WDFY4: variants seen among roughly 807,000 people sequenced by gnomAD.
WDFY4 encodes the protein WD repeat- and FYVE domain-containing protein 4.
A neutral mutation model predicts 351.9 loss-of-function variants in WDFY4; 169 were observed. That is an observed-to-expected ratio of 0.48 (90% CI 0.42 to 0.55). The LOEUF is 0.55. Among genes scored for constraint, WDFY4 ranks in the 20% least tolerant of loss-of-function variants. The probability of loss-of-function intolerance (pLI) is 0.00; values close to 1 mark genes in which losing one functional copy is unlikely to be tolerated. For synonymous variants in WDFY4, 1,622 were observed against 1,574.6 expected (o/e 1.03, Z -0.71); for missense variants, 3,803 against 3,935.6 (o/e 0.97, Z 0.90).
At chr10:48,756,885 G>A (rs540990673) in intron 12 of WDFY4, among the ~76,000 whole-genome samples, 2 of 152,158 alleles carry the variant, frequency 1.3e-5, no homozygotes, top group South Asian at 4.1e-4. Flanking sequence ...TAGGTATACT[G>A]AAATGTAGTT....
intron 40 of WDFY4, among the ~76,000 whole-genome samples, chr10:48,868,118 G>A (rs2620885): frequency 0.56 from 85,515 of 152,048 alleles, 25,345 homozygotes; most frequent in African/African-American, 0.75. Context: ...CATGGTGCCC[G>A]GTGCCAGGAA....
At chr10:48,921,558 T>A (rs1839079266) in intron 47 of WDFY4, among the ~76,000 whole-genome samples, 1 of 151,854 alleles carries the variant, frequency 6.6e-6, no homozygotes, top group Admixed American at 6.6e-5. Context: ...AAAAGCACAA[T>A]TTACAAAAGA....
intron 55 of WDFY4, chr10:48,966,950 GCA>G (rs1199069905): frequency 2.1e-4 from 89 of 429,004 alleles, no homozygotes; most frequent in South Asian, 4.2e-4. Context: ...CCTCTTTCAG[GCA>G]CACACACACA....
intron 36 of WDFY4, among the ~76,000 whole-genome samples, chr10:48,827,412 A>G (rs188587807): frequency 1.1e-4 from 16 of 151,318 alleles, no homozygotes; most frequent in African/African-American, 3.4e-4. Context: ...AGCTTATTTG[A>G]GTCCTTTTCT....
intron 39 of WDFY4, among the ~76,000 whole-genome samples, chr10:48,847,881 T>C (rs2068829357): frequency 6.6e-6 from 1 of 152,176 alleles, no homozygotes; most frequent in South Asian, 2.1e-4. Flanking sequence ...CAGAAATTAA[T>C]ATGTGAGTGA....
intron 48 of WDFY4, among the ~76,000 whole-genome samples, chr10:48,942,323 G>A (rs555652696): frequency 6.6e-6 from 1 of 152,344 alleles, no homozygotes; most frequent in South Asian, 2.1e-4. Context: ...CCAGATGTCG[G>A]TGATGGAGTA....
chr10:48,946,117 G>A lies in WDFY4; in HGVS notation c.7827G>A (p.Leu2609=). Residue 2609 remains leucine (L), a synonymous_variant, in exon 50 of 62, where the codon CTG becomes CTA. Transcript: ENST00000325239. ...GGGCTCAGACCAAGGAAAGGAAGCTGAAATTTATCCAGAGGTTTAAAGAAG... is the reference window on the plus strand; with the variant it reads ...GGGCTCAGACCAAGGAAAGGAAGCTAAAATTTATCCAGAGGTTTAAAGAAG... The part of the protein sequence containing the change: ...PMGAQTKERK[L]KFIQRFKEVE... 1 of 1,548,988 alleles carries A rather than the reference G, an allele frequency of 6.5e-7. No homozygotes were observed.
At chr10:48,917,029 T>C (rs1257635849) in intron 47 of WDFY4, among the ~76,000 whole-genome samples, 1 of 152,196 alleles carries the variant, frequency 6.6e-6, no homozygotes. Flanking sequence ...GATACACAAA[T>C]ACTTACCCTT....
chr10:48,772,715 G>C (rs1055437492), intron 13 of WDFY4, among the ~76,000 whole-genome samples: 3 of 140,218 alleles, frequency 2.1e-5, no homozygotes, highest in Non-Finnish European at 4.5e-5. Flanking sequence ...CCCCACCACA[G>C]TCCCCAGAGT....
intron 35 of WDFY4, 84 bp from the exon 36 acceptor site, chr10:48,826,587 T>A: frequency 9.4e-7 from 1 of 1,068,136 alleles, no homozygotes; most frequent in African/African-American, 1.6e-5. Flanking sequence ...TTGATTATAC[T>A]ATTTTTGTGG....
intron 11 of WDFY4, among the ~76,000 whole-genome samples, chr10:48,740,249 C>T (rs1242606211): frequency 2.0e-5 from 3 of 152,188 alleles, no homozygotes; most frequent in African/African-American, 2.4e-5. Context: ...CAGGTTCAGA[C>T]GCGTGCCGTA....
chr10:48,820,484 G>A lies in WDFY4; in HGVS notation c.5709+47G>A, dbSNP rs190754702. 269 of 1,533,452 alleles carry A rather than the reference G, an allele frequency of 1.8e-4. No individual in the cohort carries two copies. In the African/African-American group the frequency reaches 2.7e-3, roughly 15 times the overall value. The allele number at this position is 1,533,452 out of a possible 1,614,324, so 95.0% of individuals were successfully genotyped here. A position where few individuals can be genotyped will look rare whatever the true frequency, so the allele number is the denominator to read the frequency against. On this transcript the variant is annotated intron_variant, in intron 33 of 61. Transcript: ENST00000325239. ...TGGGCCATGTGCTGTGGAGGCTGCC[G>A]GCATACCGGCACTGCAAGGGCAGGA...
intron 1 of WDFY4, among the ~76,000 whole-genome samples, chr10:48,709,100 C>T (rs923174028): frequency 6.6e-6 from 1 of 151,980 alleles, no homozygotes; most frequent in Non-Finnish European, 1.5e-5. Flanking sequence ...TCCTTACTTA[C>T]CTAGAGAGAA....
intron 23 of WDFY4, among the ~76,000 whole-genome samples, chr10:48,795,506 T>TAC (rs1425929059): frequency 4.9e-5 from 5 of 101,860 alleles, no homozygotes; most frequent in African/African-American, 2.2e-4. Context: ...TATATATATA[T>TAC]ATATATATAT....
At chr10:48,851,303 A>T (rs1056491895) in intron 39 of WDFY4, among the ~76,000 whole-genome samples, 1 of 152,208 alleles carries the variant, frequency 6.6e-6, no homozygotes, top group African/African-American at 2.4e-5. Flanking sequence ...ACCCTCCTCC[A>T]TATGTGGATG....
At chr10:48,843,129 C>T (rs975578685) in intron 39 of WDFY4, among the ~76,000 whole-genome samples, 2 of 152,234 alleles carry the variant, frequency 1.3e-5, no homozygotes, top group African/African-American at 4.8e-5. Context: ...TCCTTAGGGA[C>T]AGATACTCAG....
intron 47 of WDFY4, among the ~76,000 whole-genome samples, chr10:48,922,708 T>C (rs923674213): frequency 6.6e-6 from 1 of 152,202 alleles, no homozygotes; most frequent in African/African-American, 2.4e-5. Flanking sequence ...AATGGAATAC[T>C]ACTAAACACA....
Position 48,957,228 on chromosome 10 carries a change from C to A in WDFY4, c.8077C>A (p.Pro2693Thr). Residue 2693 changes from proline to threonine, a missense_variant, in exon 52 of 62, where the codon CCA becomes ACA. Physicochemically the swap from Pro to Thr is conservative, Grantham distance 38 (BLOSUM62 -1). Transcript: ENST00000325239. ...CATGAGTGACGTCAGGGAGCTGACC[C>A]CAGAGTTCTTCTACCTGCCTGAGTT... The part of the protein sequence containing the change: ...ENMSDVRELT[P>T]EFFYLPEFLT... The A allele has an allele frequency of 6.4e-7, 1 of 1,551,696 alleles. No homozygotes were observed. Among genetic ancestry groups the A allele is most frequent in the Non-Finnish European group, 8.7e-7 (1 of 1,146,992 alleles).
intron 43 of WDFY4, chr10:48,883,970 G>A (rs1452799698): frequency 6.6e-6 from 1 of 152,182 alleles, no homozygotes; most frequent in Non-Finnish European, 1.5e-5. Context: ...CTTGAGGAGT[G>A]ACTGATTTAA....
Sources: allele counts gnomAD v4.1 joint callset (sites outside exome capture counted in the v4.1 genomes callset), GRCh38; gene constraint gnomAD v4.1.1; transcripts MANE v1.5; gene names NCBI Gene and HGNC (gene_info 2026-07-23, HGNC 2026-07-21).